PIP5KL1: variants seen among roughly 807,000 people sequenced by gnomAD.
PIP5KL1 encodes phosphatidylinositol 4-phosphate 5-kinase-like protein 1.
Under a neutral mutation model 47.6 loss-of-function variants are expected in PIP5KL1, and 45 were observed. The observed-to-expected ratio is 0.94, with a 90% CI of 0.74 to 1.21. The LOEUF (loss-of-function observed/expected upper bound fraction) is 1.21. PIP5KL1 is among the 50% of genes most tolerant of loss of function. The probability of loss-of-function intolerance (pLI) is 0.00; values close to 1 mark genes in which losing one functional copy is unlikely to be tolerated. For synonymous variants in PIP5KL1, 256 were observed against 234.6 expected, an observed-to-expected ratio of 1.09 and a Z score of -0.84; for missense variants, 577 against 547.6, an observed-to-expected ratio of 1.05 and a Z score of -0.54.
chr9:127,930,153 C>T (rs939934159), intron 1 of PIP5KL1, among the ~76,000 whole-genome samples: 1 of 152,244 alleles, frequency 6.6e-6, no homozygotes, highest in Non-Finnish European at 1.5e-5. Context: ...TGGACCGTCT[C>T]TCACCAACCT....
Position 127,929,323 on chromosome 9 carries a change from G to A in PIP5KL1, c.228+365C>T, listed in dbSNP as rs1352327190. ...CTGCCTCAGCCTGAGCTCCAGAGAG[G>A]ATGGGCTAGGCCAGCAGGGTGGGGG... On this transcript the variant is annotated intron_variant, in intron 2 of 9. Transcript: ENST00000388747. This position sits in a 1 kb window ranked among gnomAD's most constrained non-coding sequence, Gnocchi z 4.0. 6.6e-6 allele frequency among the ~76,000 whole-genome samples: 1 copy of A among 152,062 alleles called. No individual in the cohort carries two copies. The highest frequency in any genetic ancestry group is 1.5e-5 in the Non-Finnish European group (1 of 68,004).
chr9:127,927,347 G>A lies in PIP5KL1; in HGVS notation c.560-16C>T. ...CTGTGCACTCCTGGAAGGGGAGAGG[G>A]CGCCGGATGAGGATCCCCAAACTCC... On this transcript the variant is annotated splice_polypyrimidine_tract_variant and intron_variant, in intron 5 of 9. Coordinates refer to ENST00000388747, the MANE Select transcript of PIP5KL1 (RefSeq NM_001135219.2). This position sits in a 1 kb window ranked among gnomAD's most constrained non-coding sequence, Gnocchi z 5.5. The A allele has an allele frequency of 1.9e-6, 3 of 1,603,268 alleles. No individual in the cohort carries two copies. Among genetic ancestry groups the A allele is most frequent in the Non-Finnish European group, 2.5e-6 (3 of 1,177,002 alleles).
At position 127,927,158 on chromosome 9, in the gene PIP5KL1, G is replaced by C. The variant is rs778647599; in HGVS notation, c.645C>G (p.Ser215=). Residue 215 remains serine (S), a synonymous_variant, in exon 7 of 10, where the codon TCC becomes TCG. Transcript: ENST00000388747. The surrounding 1 kb of genome is among the most constrained non-coding windows in gnomAD (Gnocchi z 5.5). ...AACCTGCTTAGGCCACTCACCTCTC[G>C]GAGATGCGGCCGGCGGGGTAGAAGA... ...QSVFYPAGRI[S]ERYDIKGCEV... 1.9e-6 allele frequency: 3 copies of C among 1,611,250 alleles called. No homozygotes were observed. Among genetic ancestry groups the C allele is most frequent in the Admixed American group, 1.7e-5 (1 of 59,844 alleles).
In PIP5KL1 at chr9:127,927,250, C is replaced by A; in HGVS notation, c.595-42G>T. 6.2e-7 allele frequency: 1 copy of A among 1,611,558 alleles called. No individual in the cohort carries two copies. On this transcript the variant is annotated intron_variant, in intron 6 of 9. Coordinates refer to ENST00000388747, the MANE Select transcript of PIP5KL1 (RefSeq NM_001135219.2). The surrounding 1 kb of genome is among the most constrained non-coding windows in gnomAD (Gnocchi z 5.5). ...GGAGTGAGGGAGGCCGGCTGTCGCC[C>A]TCCAGCCGCCCGCTCCGCCCAGCCA...
Position 127,930,762 on chromosome 9 carries a change from A to C in PIP5KL1, c.-10T>G, listed in dbSNP as rs910886343. On this transcript the variant is annotated 5_prime_UTR_variant, in exon 1 of 10. Transcript: ENST00000388747. ...GGCTCGGCGCAGCCATCGCCCCCGC[A>C]GCAGCTTCCCGGGCTTTGGCCGCAT... The C allele has an allele frequency of 1.3e-6, 2 of 1,545,204 alleles. No individual in the cohort carries two copies. The highest frequency in any genetic ancestry group is 1.7e-6 in the Non-Finnish European group (2 of 1,149,890).
At chr9:127,930,366 A>G (rs1032123419) in intron 1 of PIP5KL1, among the ~76,000 whole-genome samples, 2 of 152,210 alleles carry the variant, frequency 1.3e-5, no homozygotes, top group Non-Finnish European at 2.9e-5. Context: ...GAGCGCCTCC[A>G]GGCCAGCACG....
chr9:127,925,656 G>C (rs1327944096), intron 8 of PIP5KL1: 1 of 561,118 alleles, frequency 1.8e-6, no homozygotes, highest in African/African-American at 1.9e-5. Context: ...CGTAGAGACA[G>C]AGTTTCAGCA....
Position 127,921,808 on chromosome 9 carries a change from G to GC in PIP5KL1, c.*38dup, listed in dbSNP as rs765681149. 6.5e-7 allele frequency: 1 copy of GC among 1,541,290 alleles called. No individual in the cohort carries two copies. The highest frequency in any genetic ancestry group is 1.2e-5 in the South Asian group (1 of 84,854). ...GGGGGAACCGGCGTTCCTGGCGTGA[G>GC]CCCATCGTCCAGATCCGGAGAGTGG... On this transcript the variant is annotated 3_prime_UTR_variant, in exon 10 of 10. Transcript: ENST00000388747.
chr9:127,926,745 T>C (rs1206164625), intron 7 of PIP5KL1, among the ~76,000 whole-genome samples: 1 of 152,208 alleles, frequency 6.6e-6, no homozygotes, highest in Non-Finnish European at 1.5e-5. Flanking sequence ...ACAGGACGGC[T>C]TGGGGGCAGC....
Position 127,927,598 on chromosome 9 carries a change from T to G in PIP5KL1, c.559+50A>C. ...CCACATACCCCGCCCTCCCCAGGTATATGATGACCTAGGACCCGCCCCCAC... is the reference window on the plus strand; with the variant it reads ...CCACATACCCCGCCCTCCCCAGGTAGATGATGACCTAGGACCCGCCCCCAC... On this transcript the variant is annotated intron_variant, in intron 5 of 9. Coordinates refer to ENST00000388747, the MANE Select transcript of PIP5KL1 (RefSeq NM_001135219.2). The surrounding 1 kb of genome is among the most constrained non-coding windows in gnomAD (Gnocchi z 5.5). The G allele has an allele frequency of 7.0e-7, 1 of 1,421,464 alleles. No homozygotes were observed. The highest frequency in any genetic ancestry group is 9.2e-7 in the Non-Finnish European group (1 of 1,085,840). 88.1% of individuals were successfully genotyped at this position (1,421,464 alleles called of 1,614,324 possible). A position where few individuals can be genotyped will look rare whatever the true frequency, so the allele number is the denominator to read the frequency against.
chr9:127,929,590 C>T lies in PIP5KL1; in HGVS notation c.228+98G>A. 1 of 1,242,424 alleles carries T rather than the reference C, an allele frequency of 8.0e-7. No individual in the cohort carries two copies. Among genetic ancestry groups the T allele is most frequent in the East Asian group, 2.7e-5 (1 of 37,646 alleles). The allele number at this position is 1,242,424 out of a possible 1,614,324, so 77.0% of individuals were successfully genotyped here. ...CTCTGCCTTCCTCCCCTTGATATCC[C>T]TCTCTGATCCCCACACCTGCAGTTT... On this transcript the variant is annotated intron_variant, in intron 2 of 9. Transcript: ENST00000388747. The surrounding 1 kb of genome is among the most constrained non-coding windows in gnomAD (Gnocchi z 4.0).
At position 127,922,019 on chromosome 9, in the gene PIP5KL1, G is replaced by C; in HGVS notation, c.1013C>G (p.Pro338Arg). 1 of 1,574,792 alleles carries C rather than the reference G, an allele frequency of 6.4e-7. No individual in the cohort carries two copies. The highest frequency in any genetic ancestry group is 8.6e-7 in the Non-Finnish European group (1 of 1,161,412). ...APNALHILDG[P>R]EQRYFLGVVD... ...GACGCCCAGGAAATAGCGCTGCTCGGGCCCGTCCAGGATGTGTAGGGCGTT... is the reference window on the plus strand; with the variant it reads ...GACGCCCAGGAAATAGCGCTGCTCGCGCCCGTCCAGGATGTGTAGGGCGTT... The change falls in exon 10 of 10, where the codon CCC becomes CGC. Residue 338 changes from proline (P) to arginine (R), a missense_variant. Transcript: ENST00000388747.
At chr9:127,924,826 C>A (rs1564137078) in intron 9 of PIP5KL1, among the ~76,000 whole-genome samples, 1 of 152,112 alleles carries the variant, frequency 6.6e-6, no homozygotes, top group Non-Finnish European at 1.5e-5. Flanking sequence ...TGCAGTCCAC[C>A]TGTGCCCCTC....
At chr9:127,925,802 G>A (rs752367396) in intron 8 of PIP5KL1, 65 bp downstream of exon 8, 866 of 1,359,536 alleles carry the variant, frequency 6.4e-4, no homozygotes, top group Non-Finnish European at 8.4e-4. Flanking sequence ...AGGGCAGCAG[G>A]GACACCCTTC....
chr9:127,928,481 C>T lies in PIP5KL1; in HGVS notation c.231G>A (p.Gly77=). ...CCGAGAAATCGTCCCGGGAGGGCGG[C>T]CCCTGCAGGGAGAGGTAGAGGAGCT... ...TQVSMDHPPT[G]PPSRDDFSEV... Residue 77 remains glycine, a splice_region_variant and synonymous_variant, in exon 3 of 10, where the codon GGG becomes GGA. Transcript: ENST00000388747. The T allele has an allele frequency of 6.3e-7, 1 of 1,592,242 alleles. No individual in the cohort carries two copies.
At position 127,925,853 on chromosome 9, in the gene PIP5KL1, C is replaced by T; in HGVS notation, c.763+14G>A. The T allele has an allele frequency of 6.2e-7, 1 of 1,602,764 alleles. No homozygotes were observed. Among genetic ancestry groups the T allele is most frequent in the South Asian group, 1.1e-5 (1 of 90,876 alleles). On this transcript the variant is annotated intron_variant, in intron 8 of 9. Coordinates refer to ENST00000388747, the MANE Select transcript of PIP5KL1 (RefSeq NM_001135219.2). ...ATGAAGGAGGAACAGGCAGTGGCCA[C>T]CCCCGTGGCTCACCCAGGTTGATGG...
intron 1 of PIP5KL1, 140 bp downstream of exon 1, chr9:127,930,583 G>C (rs1564139560): frequency 9.4e-7 from 1 of 1,059,204 alleles, no homozygotes; most frequent in Non-Finnish European, 1.3e-6. Flanking sequence ...CGCCCCGTGT[G>C]GGGCGTGTCC....
In PIP5KL1 at chr9:127,927,937, G is replaced by C; in HGVS notation, c.434+128C>G. 6.2e-6 allele frequency: 9 copies of C among 1,448,530 alleles called. No homozygotes were observed. Among genetic ancestry groups the C allele is most frequent in the Non-Finnish European group, 1.8e-6 (2 of 1,090,530 alleles). The allele number at this position is 1,448,530 out of a possible 1,614,324, so 89.7% of individuals were successfully genotyped here. A position where few individuals can be genotyped will look rare whatever the true frequency, so the allele number is the denominator to read the frequency against. ...TCCTCCCCGATCTGTCCACCATCCG[G>C]CCCTGACCCTCCCAGATTAGGGCCG... On this transcript the variant is annotated intron_variant, in intron 4 of 9. Transcript: ENST00000388747. This position sits in a 1 kb window ranked among gnomAD's most constrained non-coding sequence, Gnocchi z 5.5.
Position 127,927,964 on chromosome 9 carries a change from T to C in PIP5KL1, c.434+101A>G. On this transcript the variant is annotated intron_variant, in intron 4 of 9. Transcript: ENST00000388747. This position sits in a 1 kb window ranked among gnomAD's most constrained non-coding sequence, Gnocchi z 5.5. ...CCTGACCCTCCCAGATTAGGGCCGC[T>C]CTGTTTCTCTCTTCAGGGGGCCTTC... is the stretch of plus-strand genomic sequence containing the variant. 1.4e-6 allele frequency: 2 copies of C among 1,441,482 alleles called. No homozygotes were observed. The highest frequency in any genetic ancestry group is 1.8e-6 in the Non-Finnish European group (2 of 1,087,338). 89.3% of individuals were successfully genotyped at this position (1,441,482 alleles called of 1,614,324 possible). A position where few individuals can be genotyped will look rare whatever the true frequency, so the allele number is the denominator to read the frequency against.
Sources: allele counts gnomAD v4.1 joint callset (sites outside exome capture counted in the v4.1 genomes callset), GRCh38; gene constraint gnomAD v4.1.1; non-coding constraint Gnocchi (gnomAD v3.1); transcripts MANE v1.5; gene names NCBI Gene and HGNC (gene_info 2026-07-23, HGNC 2026-07-21).